FYN: variants seen among roughly 807,000 people sequenced by gnomAD.
FYN encodes tyrosine-protein kinase Fyn.
FYN carries 10 observed loss-of-function variants against 70.2 expected under a neutral mutation model. The ratio of observed to expected loss-of-function variants is 0.14; its 90% CI spans 0.09 to 0.24. The LOEUF (loss-of-function observed/expected upper bound fraction) is 0.24. FYN is among the 10% of genes least tolerant of loss of function. The probability of loss-of-function intolerance (pLI) is 1.00; values close to 1 mark genes in which losing one functional copy is unlikely to be tolerated. For missense variants in FYN, 319 were observed against 673.1 expected, an observed-to-expected ratio of 0.47 and a Z score of 5.82; for synonymous variants, 236 against 248.6, an observed-to-expected ratio of 0.95 and a Z score of 0.48.
rs1583394467 is a variant in FYN, at chr6:111,742,978, T to G, written c.-11-22916A>C. ...GGCTTGATAAGAATCTTTTTTTTTT[T>G]TTTTTTGAGAGGGAGTCTCGTTCTG... is the stretch of plus-strand genomic sequence containing the variant. On this transcript the variant is annotated intron_variant, in intron 3 of 13. Transcript: ENST00000354650. Among the ~76,000 whole-genome samples the G allele has an allele frequency of 5.3e-5, 8 of 151,990 alleles. No homozygotes were observed. The South Asian group carries it at 1.7e-3, about 32-fold the overall frequency.
intron 6 of FYN, among the ~76,000 whole-genome samples, chr6:111,706,257 G>C (rs706868): frequency 8.5e-5 from 13 of 152,188 alleles, no homozygotes; most frequent in African/African-American, 3.1e-4. Context: ...AAGGGAGAAT[G>C]CTGGAGCATT....
intron 12 of FYN, among the ~76,000 whole-genome samples, chr6:111,685,965 C>T (rs1004236363): frequency 2.0e-5 from 3 of 152,048 alleles, no homozygotes; most frequent in South Asian, 2.1e-4. Flanking sequence ...CAGAGCTGCC[C>T]GAGGGTGGGA....
intron 2 of FYN, among the ~76,000 whole-genome samples, chr6:111,830,828 A>C (rs1562537206): frequency 5.3e-5 from 8 of 152,162 alleles, no homozygotes. Context: ...TGTTTCTGTC[A>C]CATTTAGACT....
chr6:111,858,872 G>A (rs1773889738), intron 1 of FYN, among the ~76,000 whole-genome samples: 1 of 149,224 alleles, frequency 6.7e-6, no homozygotes, highest in African/African-American at 2.5e-5. Flanking sequence ...GCAACACATT[G>A]ACAGGCCATT....
chr6:111,692,062 T>G (rs1476620706), intron 12 of FYN, among the ~76,000 whole-genome samples: 1 of 150,586 alleles, frequency 6.6e-6, no homozygotes, highest in African/African-American at 2.5e-5. Context: ...TCTTTTATTC[T>G]CCTGGGACAT....
intron 2 of FYN, among the ~76,000 whole-genome samples, chr6:111,796,007 C>T (rs1325875734): frequency 6.6e-6 from 1 of 152,208 alleles, no homozygotes; most frequent in Non-Finnish European, 1.5e-5. Flanking sequence ...CTAGGCTTAA[C>T]ATAAACCTCA....
chr6:111,770,551 C>T (rs1473399436), intron 3 of FYN, among the ~76,000 whole-genome samples: 1 of 152,180 alleles, frequency 6.6e-6, no homozygotes, highest in Admixed American at 6.5e-5. Flanking sequence ...GTATGAAGAA[C>T]AATCACAAGA....
chr6:111,868,332 T>C lies in FYN; in HGVS notation c.-123+4636A>G, dbSNP rs183920547. On this transcript the variant is annotated intron_variant, in intron 1 of 13. Transcript: ENST00000354650. ...GCAAATAGAATACGCAATGAATGAA[T>C]GCTGTTAAATGAGTAAGTATGTAGA... is the stretch of plus-strand genomic sequence containing the variant. Among the ~76,000 whole-genome samples the C allele has an allele frequency of 2.0e-5, 3 of 152,304 alleles. No homozygotes were observed. The East Asian group carries it at 5.8e-4, about 29-fold the overall frequency.
chr6:111,846,222 T>C (rs551472394), intron 2 of FYN, among the ~76,000 whole-genome samples: 3 of 152,262 alleles, frequency 2.0e-5, no homozygotes, highest in African/African-American at 7.2e-5. Context: ...ACGACCTCCT[T>C]GACCAGCCTG....
At chr6:111,717,108 T>C (rs900881237) in intron 4 of FYN, among the ~76,000 whole-genome samples, 25 of 152,062 alleles carry the variant, frequency 1.6e-4, no homozygotes, top group Non-Finnish European at 3.5e-4. Flanking sequence ...TATTTTTGTT[T>C]TACTAGTGCC....
intron 3 of FYN, among the ~76,000 whole-genome samples, chr6:111,751,401 T>C (rs758239490): frequency 1.1e-4 from 16 of 152,220 alleles, no homozygotes; most frequent in Admixed American, 2.0e-4. Flanking sequence ...GGGCTTAATG[T>C]CTATTTTTAA....
chr6:111,758,251 G>A (rs1000279117), intron 3 of FYN, among the ~76,000 whole-genome samples: 4 of 152,196 alleles, frequency 2.6e-5, no homozygotes, highest in African/African-American at 9.7e-5. Context: ...ACGGTGCACT[G>A]CTAAGTTAAA....
chr6:111,734,311 A>C (rs1331695426), intron 3 of FYN, among the ~76,000 whole-genome samples: 1 of 152,236 alleles, frequency 6.6e-6, no homozygotes, highest in Non-Finnish European at 1.5e-5. Flanking sequence ...TTGGCTCTAA[A>C]TGCTCAGATG....
chr6:111,669,986 G>C (rs1004700577), intron 13 of FYN, among the ~76,000 whole-genome samples: 3 of 151,964 alleles, frequency 2.0e-5, no homozygotes, highest in Non-Finnish European at 4.4e-5. Flanking sequence ...ATGTTCAGTT[G>C]GGCTTTGAAG....
chr6:111,673,145 C>T (rs1259210060), intron 13 of FYN, among the ~76,000 whole-genome samples: 2 of 152,154 alleles, frequency 1.3e-5, no homozygotes, highest in Non-Finnish European at 2.9e-5. Flanking sequence ...TTCACATCCT[C>T]GCCCTCCTGA....
chr6:111,760,586 C>T lies in FYN; in HGVS notation c.-12+19980G>A, dbSNP rs571640700. Among the ~76,000 whole-genome samples the T allele has an allele frequency of 2.6e-5, 4 of 152,326 alleles. No homozygotes were observed. In the South Asian group the frequency reaches 8.3e-4, roughly 32 times the overall value. On this transcript the variant is annotated intron_variant, in intron 3 of 13. Coordinates refer to ENST00000354650, the MANE Select transcript of FYN (RefSeq NM_002037.5). ...ACGGAACTCCTTCTCAGGAGAAAGGCAGCAGTGGCGTGTGTGGGCAGGAAT... is the reference window on the plus strand; with the variant it reads ...ACGGAACTCCTTCTCAGGAGAAAGGTAGCAGTGGCGTGTGTGGGCAGGAAT...
chr6:111,845,152 G>C (rs1015836902), intron 2 of FYN, among the ~76,000 whole-genome samples: 1 of 152,248 alleles, frequency 6.6e-6, no homozygotes, highest in Non-Finnish European at 1.5e-5. Context: ...GAGTTGGACA[G>C]GGGAGGGCAA....
At chr6:111,833,985 A>T (rs952074316) in intron 2 of FYN, among the ~76,000 whole-genome samples, 1 of 152,212 alleles carries the variant, frequency 6.6e-6, no homozygotes, top group African/African-American at 2.4e-5. Context: ...CAGTGAAGAT[A>T]AATAAATTTG....
intron 2 of FYN, among the ~76,000 whole-genome samples, chr6:111,815,663 G>T (rs191613622): frequency 6.6e-6 from 1 of 151,412 alleles, no homozygotes; most frequent in African/African-American, 2.4e-5. Context: ...GGTCATCTTT[G>T]AGTAGCGGAA....
Sources: gnomAD v4.1 joint callset for allele counts (sites outside exome capture counted in the v4.1 genomes callset) on GRCh38, gnomAD v4.1.1 for gene constraint, MANE v1.5 for transcripts, NCBI Gene and HGNC (gene_info 2026-07-23, HGNC 2026-07-21) for gene names.